The following GRIK2 variants were observed in gnomAD, a reference collection of about 807,000 sequenced individuals.
GRIK2 encodes glutamate ionotropic receptor kainate type subunit 2, also known as glutamate receptor ionotropic, kainate 2.
A neutral mutation model predicts 100.3 loss-of-function variants in GRIK2; 32 were observed. The ratio of observed to expected loss-of-function variants is 0.32; its 90% CI spans 0.24 to 0.43. The LOEUF is 0.43. Ranked by LOEUF, GRIK2 falls within the 20% of genes least tolerant of loss-of-function variation. The pLI is 1.00. For missense variants in GRIK2, 843 were observed against 1,114.9 expected, an observed-to-expected ratio of 0.76 and a Z score of 3.47; for synonymous variants, 417 against 389.4, an observed-to-expected ratio of 1.07 and a Z score of -0.83.
At chr6:101,621,405 G>C (rs1203429721) in intron 2 of GRIK2, among the ~76,000 whole-genome samples, 1 of 152,096 alleles carries the variant, frequency 6.6e-6, no homozygotes, top group Non-Finnish European at 1.5e-5. Flanking sequence ...AGTGGGCTGT[G>C]ATCGCTCCTC....
At chr6:101,525,653 GTT>G (rs1360849688) in intron 2 of GRIK2, among the ~76,000 whole-genome samples, 3 of 152,086 alleles carry the variant, frequency 2.0e-5, no homozygotes, top group Non-Finnish European at 4.4e-5. Flanking sequence ...TTATACTTGG[GTT>G]TTAATTTCCT....
chr6:101,750,717 C>CAG (rs918740894), intron 7 of GRIK2, among the ~76,000 whole-genome samples: 3 of 151,896 alleles, frequency 2.0e-5, no homozygotes, highest in Non-Finnish European at 4.4e-5. Flanking sequence ...GCTGAATGCT[C>CAG]AGAGAGAGAG....
intron 14 of GRIK2, among the ~76,000 whole-genome samples, chr6:101,972,316 C>G (rs1174710488): frequency 6.6e-6 from 1 of 151,968 alleles, no homozygotes; most frequent in African/African-American, 2.4e-5. Context: ...GAGATGGTAT[C>G]TTATTGTGGT....
intron 2 of GRIK2, among the ~76,000 whole-genome samples, chr6:101,452,138 T>C (rs1770733497): frequency 6.6e-6 from 1 of 151,808 alleles, no homozygotes; most frequent in Non-Finnish European, 1.5e-5. Context: ...ATAACATACA[T>C]AGAAGCAGAG....
At chr6:101,808,714 A>G (rs1441993067) in intron 9 of GRIK2, among the ~76,000 whole-genome samples, 1 of 151,942 alleles carries the variant, frequency 6.6e-6, no homozygotes, top group Non-Finnish European at 1.5e-5. Context: ...GGCTCTAATA[A>G]ACCATTATTA....
chr6:101,493,464 A>T (rs1226392051), intron 2 of GRIK2, among the ~76,000 whole-genome samples: 3 of 152,112 alleles, frequency 2.0e-5, no homozygotes, highest in African/African-American at 4.8e-5. Flanking sequence ...ATATCTTCAG[A>T]TTTCTTAGAG....
rs142445212 is a variant in GRIK2 at position 101,500,559 on chromosome 6, G to C, written c.115+101167G>C. Among the ~76,000 whole-genome samples, 20 of 152,090 alleles carry C rather than the reference G, an allele frequency of 1.3e-4. No individual in the cohort carries two copies. The East Asian group carries it at 2.9e-3, about 22-fold the overall frequency. ...AATTTTAATATACTCAAAGTTTTCG[G>C]TCTCTAATTATTAATAAACTTAAAA... On this transcript the variant is annotated intron_variant, in intron 2 of 16. Transcript: ENST00000369134.
At chr6:101,708,469 A>C (rs1773487819) in intron 7 of GRIK2, among the ~76,000 whole-genome samples, 1 of 150,798 alleles carries the variant, frequency 6.6e-6, no homozygotes, top group Non-Finnish European at 1.5e-5. Flanking sequence ...TTTTTTCATA[A>C]TTTTTAGTGA....
intron 7 of GRIK2, among the ~76,000 whole-genome samples, chr6:101,752,820 G>T (rs1001810587): frequency 5.3e-5 from 8 of 152,084 alleles, no homozygotes; most frequent in Non-Finnish European, 1.2e-4. Context: ...TCAAAGCTTT[G>T]TACAAAGTTA....
At chr6:101,863,153 T>C (rs1784827134) in intron 11 of GRIK2, among the ~76,000 whole-genome samples, 1 of 152,192 alleles carries the variant, frequency 6.6e-6, no homozygotes, top group South Asian at 2.1e-4. Flanking sequence ...GTCTCTATTA[T>C]ATACTTCCTG....
intron 14 of GRIK2, among the ~76,000 whole-genome samples, chr6:101,959,227 C>G (rs1048272554): frequency 2.6e-5 from 4 of 152,002 alleles, no homozygotes; most frequent in Admixed American, 2.6e-4. Flanking sequence ...GGCTGTACAT[C>G]CCTCTGGTCC....
At position 101,490,574 on chromosome 6, in the gene GRIK2, G is replaced by A. The variant is rs571219814; in HGVS notation, c.115+91182G>A. Among the ~76,000 whole-genome samples the A allele has an allele frequency of 1.9e-4, 28 of 146,990 alleles. 2 individuals carry two copies. The South Asian group carries it at 5.2e-3, about 27-fold the overall frequency. On this transcript the variant is annotated intron_variant, in intron 2 of 16. Transcript: ENST00000369134. ...GTACAATAGATAAGTGAAGAAGTAC[G>A]TTGGGGGTGTTAATAGGAAAGTATT...
At chr6:101,398,179 G>A (rs1304894174) in intron 1 of GRIK2, among the ~76,000 whole-genome samples, 2 of 152,074 alleles carry the variant, frequency 1.3e-5, no homozygotes, top group Non-Finnish European at 2.9e-5. Context: ...GAAAAAGAAT[G>A]TTCAAAAAAC....
At chr6:101,435,216 C>T (rs1012121801) in intron 2 of GRIK2, among the ~76,000 whole-genome samples, 1 of 151,924 alleles carries the variant, frequency 6.6e-6, no homozygotes, top group African/African-American at 2.4e-5. Context: ...GCACTTAATT[C>T]CCCAGAAGTT....
intron 1 of GRIK2, among the ~76,000 whole-genome samples, chr6:101,395,988 T>G (rs2128234600): frequency 6.6e-6 from 1 of 152,272 alleles, no homozygotes; most frequent in South Asian, 2.1e-4. Flanking sequence ...TTGCCTGATA[T>G]CCAATAGCAG....
At chr6:101,483,932 G>T (rs1772673550) in intron 2 of GRIK2, among the ~76,000 whole-genome samples, 1 of 152,146 alleles carries the variant, frequency 6.6e-6, no homozygotes, top group African/African-American at 2.4e-5. Flanking sequence ...ATATAAAGTA[G>T]GGCATTAATA....
chr6:101,701,516 A>AT (rs1772895957), intron 7 of GRIK2, among the ~76,000 whole-genome samples: 4 of 152,138 alleles, frequency 2.6e-5, no homozygotes, highest in South Asian at 2.1e-4. Flanking sequence ...TCCTATTTCC[A>AT]ATTTTTTTAC....
chr6:101,660,842 C>T (rs1769556861), intron 4 of GRIK2, among the ~76,000 whole-genome samples: 1 of 152,138 alleles, frequency 6.6e-6, no homozygotes, highest in African/African-American at 2.4e-5. Flanking sequence ...GTTCATTCCT[C>T]TGGAAGCTTC....
At chr6:101,706,270 A>G (rs1027238253) in intron 7 of GRIK2, among the ~76,000 whole-genome samples, 8 of 152,042 alleles carry the variant, frequency 5.3e-5, no homozygotes, top group Admixed American at 6.6e-5. Context: ...ATGCTAGAGA[A>G]TATTAACCAA....
Sources: gnomAD v4.1 joint callset for allele counts (sites outside exome capture counted in the v4.1 genomes callset) on GRCh38, gnomAD v4.1.1 for gene constraint, MANE v1.5 for transcripts, NCBI Gene and HGNC (gene_info 2026-07-23, HGNC 2026-07-21) for gene names.